Variants in MAP2 observed in about 807,000 individuals in gnomAD.
MAP2 encodes microtubule-associated protein 2.
In MAP2, 14 loss-of-function variants were observed where a neutral mutation model predicts 137.6. The observed-to-expected ratio is 0.10, with a 90% CI of 0.07 to 0.16. The LOEUF is 0.16. MAP2 is among the 10% of genes least tolerant of loss of function. MAP2 has a pLI of 1.00. For synonymous variants in MAP2, 786 were observed against 782.3 expected, an observed-to-expected ratio of 1.00 and a Z score of -0.08; for missense variants, 2,088 against 2,191.5, an observed-to-expected ratio of 0.95 and a Z score of 0.94.
Position 209,569,074 on chromosome 2 carries a change from T to TA in MAP2, c.-171-10955dup, listed in dbSNP as rs554473724. 4.0e-5 allele frequency among the ~76,000 whole-genome samples: 6 copies of TA among 151,760 alleles called. No individual in the cohort carries two copies. The East Asian group carries it at 5.8e-4, about 15-fold the overall frequency. ...ACTGCTAGAATAATTTTTGTAGAAA[T>TA]AAAAAAATAAGTAAATACTTTTTAA... On this transcript the variant is annotated intron_variant, in intron 2 of 15. Coordinates refer to ENST00000682079, the MANE Select transcript of MAP2 (RefSeq NM_001375505.1).
At chr2:209,504,601 G>T (rs2060804151) in intron 1 of MAP2, among the ~76,000 whole-genome samples, 1 of 152,122 alleles carries the variant, frequency 6.6e-6, no homozygotes, top group South Asian at 2.1e-4. Flanking sequence ...GCAGGTTTTT[G>T]TATGAGACAC....
intron 10 of MAP2, 26 bp downstream of exon 10, chr2:209,697,077 C>A: frequency 6.4e-7 from 1 of 1,558,482 alleles, no homozygotes; most frequent in Non-Finnish European, 8.6e-7. Context: ...TGCAATGTGA[C>A]TGGCAAACAT....
At position 209,648,104 on chromosome 2, in the gene MAP2, A is replaced by AT. The variant is rs200480350; in HGVS notation, c.-29-5021dup. 2.5e-3 allele frequency among the ~76,000 whole-genome samples: 357 copies of AT among 141,898 alleles called. 1 individual carries two copies. The highest frequency in any genetic ancestry group is 0.019 in the South Asian group (82 of 4,380). 93.1% of individuals were successfully genotyped at this position (141,898 alleles called of 152,430 possible). ...ATCAATAGATGTTTAAACGTCTTGG[A>AT]TTTTTTTTTTTTTTTTTAACGCAGT... On this transcript the variant is annotated intron_variant, in intron 4 of 15. Coordinates refer to ENST00000682079, the MANE Select transcript of MAP2 (RefSeq NM_001375505.1).
intron 3 of MAP2, among the ~76,000 whole-genome samples, chr2:209,604,104 A>C (rs2083852130): frequency 6.6e-6 from 1 of 152,154 alleles, no homozygotes; most frequent in Admixed American, 6.6e-5. Context: ...GATTCACTGG[A>C]TCTCTATAGC....
Position 209,692,961 on chromosome 2 carries a change from A to G in MAP2, c.791A>G (p.Asp264Gly). ...CCTCCAACTCCAAAAGAACAAAAGG[A>G]CTGGTTCATCGAAATGCCAACGGAA... ...KEPPTPKEQK[D>G]WFIEMPTEAK... The change falls in exon 8 of 16, where the codon GAC (aspartate) becomes GGC (glycine). Residue 264 changes from aspartate to glycine, a missense_variant. Physicochemically the swap from Asp to Gly is moderately conservative, Grantham distance 94 (BLOSUM62 -1). Coordinates refer to ENST00000682079, the MANE Select transcript of MAP2 (RefSeq NM_001375505.1). The G allele has an allele frequency of 6.2e-7, 1 of 1,614,058 alleles. No homozygotes were observed. The highest frequency in any genetic ancestry group is 8.5e-7 in the Non-Finnish European group (1 of 1,179,966).
chr2:209,433,850 CA>C (rs1293136369), intron 1 of MAP2, among the ~76,000 whole-genome samples: 1 of 151,240 alleles, frequency 6.6e-6, no homozygotes, highest in East Asian at 1.9e-4. Flanking sequence ...CCAAGCTTTT[CA>C]AAACAATCTA....
chr2:209,632,179 A>G (rs542396324), intron 4 of MAP2, among the ~76,000 whole-genome samples: 86 of 152,312 alleles, frequency 5.6e-4, no homozygotes, highest in African/African-American at 1.9e-3. Context: ...GGCAGTGGAC[A>G]AGAAAGTGAG....
intron 13 of MAP2, among the ~76,000 whole-genome samples, chr2:209,724,807 T>C (rs2073201557): frequency 6.6e-6 from 1 of 152,224 alleles, no homozygotes; most frequent in Admixed American, 6.5e-5. Flanking sequence ...ATACACCATG[T>C]GGTACTCTCA....
intron 3 of MAP2, among the ~76,000 whole-genome samples, chr2:209,597,548 G>T (rs994682649): frequency 6.6e-6 from 1 of 152,084 alleles, no homozygotes; most frequent in Non-Finnish European, 1.5e-5. Flanking sequence ...TGTACACATG[G>T]TAGCTGGACT....
chr2:209,462,322 T>G (rs1184902205), intron 1 of MAP2, among the ~76,000 whole-genome samples: 3 of 152,170 alleles, frequency 2.0e-5, no homozygotes, highest in African/African-American at 7.2e-5. Context: ...GCTTCAGAAC[T>G]GCACTCCAGT....
chr2:209,491,515 T>G (rs1020335844), intron 1 of MAP2, among the ~76,000 whole-genome samples: 11 of 152,162 alleles, frequency 7.2e-5, no homozygotes, highest in Non-Finnish European at 1.2e-4. Flanking sequence ...AGGAGCTAGT[T>G]TGTTTGAAAA....
At chr2:209,611,440 T>C (rs1349816192) in intron 3 of MAP2, among the ~76,000 whole-genome samples, 4 of 151,936 alleles carry the variant, frequency 2.6e-5, no homozygotes, top group African/African-American at 4.8e-5. Context: ...TCATTAGTTA[T>C]AATAGTACCA....
At chr2:209,705,770 A>G (rs1393184433) in intron 12 of MAP2, 43 bp downstream of exon 12, 1 of 1,557,624 alleles carries the variant, frequency 6.4e-7, no homozygotes, top group South Asian at 1.1e-5. Flanking sequence ...GCACTTTTTA[A>G]ATCCTTTAAG....
At chr2:209,634,121 C>T (rs2093347714) in intron 4 of MAP2, among the ~76,000 whole-genome samples, 1 of 152,136 alleles carries the variant, frequency 6.6e-6, no homozygotes, top group Admixed American at 6.6e-5. Flanking sequence ...AAATTCTTTC[C>T]TCAAGTTTGC....
At chr2:209,516,674 C>T (rs2062560476) in intron 2 of MAP2, among the ~76,000 whole-genome samples, 2 of 152,062 alleles carry the variant, frequency 1.3e-5, no homozygotes, top group South Asian at 4.1e-4. Flanking sequence ...TTTATAGTTG[C>T]AAACCATTTT....
intron 3 of MAP2, among the ~76,000 whole-genome samples, chr2:209,599,658 A>G (rs1035042351): frequency 2.6e-5 from 4 of 152,244 alleles, no homozygotes; most frequent in African/African-American, 9.6e-5. Flanking sequence ...CTTCTTGTCA[A>G]CAGAACAGAA....
At chr2:209,531,689 T>A (rs1469240161) in intron 2 of MAP2, among the ~76,000 whole-genome samples, 1 of 152,198 alleles carries the variant, frequency 6.6e-6, no homozygotes, top group Non-Finnish European at 1.5e-5. Flanking sequence ...CAAATAATGA[T>A]GTTTGTAATA....
intron 2 of MAP2, among the ~76,000 whole-genome samples, chr2:209,532,604 A>C (rs1348749229): frequency 6.6e-6 from 1 of 152,144 alleles, no homozygotes; most frequent in African/African-American, 2.4e-5. Flanking sequence ...TATGATGCCT[A>C]TGTGCCTAAT....
intron 1 of MAP2, among the ~76,000 whole-genome samples, chr2:209,443,957 C>A (rs1265094900): frequency 4.6e-5 from 7 of 151,666 alleles, no homozygotes; most frequent in African/African-American, 1.7e-4. Context: ...AGCAAACCTC[C>A]AAGCAAAACC....
Sources: allele counts gnomAD v4.1 joint callset (sites outside exome capture counted in the v4.1 genomes callset), GRCh38; gene constraint gnomAD v4.1.1; transcripts MANE v1.5; gene names NCBI Gene and HGNC (gene_info 2026-07-23, HGNC 2026-07-21).